Variants in KANSL1 observed in about 807,000 individuals in gnomAD.
KANSL1 encodes MLL1/MLL complex subunit KANSL1.
Under a neutral mutation model 103.6 loss-of-function variants are expected in KANSL1, and 22 were observed. The ratio of observed to expected loss-of-function variants is 0.21; its 90% CI spans 0.15 to 0.30. The LOEUF (loss-of-function observed/expected upper bound fraction) is 0.30. KANSL1 is among the 10% of genes least tolerant of loss of function. The pLI, the probability that KANSL1 is intolerant of heterozygous loss-of-function variation, is 1.00. For synonymous variants in KANSL1, 600 were observed against 527.6 expected, an observed-to-expected ratio of 1.14 and a Z score of -1.88; for missense variants, 1,337 against 1,399.8, an observed-to-expected ratio of 0.96 and a Z score of 0.72.
intron 6 of KANSL1, among the ~76,000 whole-genome samples, chr17:46,058,846 A>C (rs2078040841): frequency 6.6e-6 from 1 of 151,840 alleles, no homozygotes; most frequent in South Asian, 2.1e-4. Flanking sequence ...AAGATTCCAG[A>C]GAGGAAAAGA....
intron 3 of KANSL1, among the ~76,000 whole-genome samples, chr17:46,084,619 T>G (rs2316955): frequency 0.14 from 21,540 of 148,822 alleles, 2,107 homozygotes; most frequent in Middle Eastern, 0.22. Flanking sequence ...GAGGTGTAGG[T>G]TGCAGTGAGC....
At chr17:46,123,640 C>T (rs1273785681) in intron 2 of KANSL1, among the ~76,000 whole-genome samples, 4 of 152,246 alleles carry the variant, frequency 2.6e-5, no homozygotes, top group Non-Finnish European at 5.9e-5. Context: ...TTCCATTAAA[C>T]TGAAAGCCTA....
intron 2 of KANSL1, among the ~76,000 whole-genome samples, chr17:46,153,472 A>G (rs1199648298): frequency 1.3e-5 from 2 of 152,382 alleles, no homozygotes; most frequent in Non-Finnish European, 1.5e-5. Flanking sequence ...ACATATTCCC[A>G]AAATGTGGGC....
intron 6 of KANSL1, among the ~76,000 whole-genome samples, chr17:46,062,685 G>A (rs1350064090): frequency 1.3e-5 from 2 of 151,802 alleles, no homozygotes; most frequent in Non-Finnish European, 2.9e-5. Context: ...AAGAGTTACT[G>A]CACTAAACGT....
At chr17:46,092,953 G>A (rs1364530266) in intron 3 of KANSL1, 1 of 152,100 alleles carries the variant, frequency 6.6e-6, no homozygotes, top group Non-Finnish European at 1.5e-5. Context: ...TCTATGAAAT[G>A]TAGCAGTTTT....
At position 46,171,815 on chromosome 17, in the gene KANSL1, G is replaced by A; in HGVS notation, c.329C>T (p.Ser110Phe). The change falls in exon 2 of 15, where the codon TCT (serine) becomes TTT (phenylalanine). Residue 110 changes from serine (S) to phenylalanine (F), a missense_variant. Physicochemically the swap from Ser to Phe is radical, Grantham distance 155 (BLOSUM62 -2). Coordinates refer to ENST00000432791, the MANE Select transcript of KANSL1 (RefSeq NM_015443.4). The stretch of plus-strand genomic sequence containing the variant: ...ATAGGACTGAGATAAGAGAGGATGA[G>A]ATTTAAGGACTGTCTGCTTGCTGAA... Reference protein sequence around the residue: ...GVFSKQTVLKSHPLLSQSYEL... With the variant: ...GVFSKQTVLKFHPLLSQSYEL... The A allele has an allele frequency of 1.2e-6, 2 of 1,614,154 alleles. No homozygotes were observed. Among genetic ancestry groups the A allele is most frequent in the Non-Finnish European group, 1.7e-6 (2 of 1,180,006 alleles).
intron 2 of KANSL1, among the ~76,000 whole-genome samples, chr17:46,154,759 G>T (rs980412692): frequency 1.3e-5 from 2 of 152,216 alleles, no homozygotes; most frequent in Non-Finnish European, 2.9e-5. Flanking sequence ...GGTGTGGTGG[G>T]GGGAAGGAGT....
intron 2 of KANSL1, among the ~76,000 whole-genome samples, chr17:46,129,594 ATCAG>A (rs1425141672): frequency 1.3e-5 from 2 of 152,240 alleles, no homozygotes; most frequent in Admixed American, 6.5e-5. Context: ...AATCTGATAA[ATCAG>A]TCAGAGTGTG....
chr17:46,085,008 A>G (rs926507922), intron 3 of KANSL1, among the ~76,000 whole-genome samples: 2 of 152,146 alleles, frequency 1.3e-5, no homozygotes, highest in Non-Finnish European at 2.9e-5. Flanking sequence ...TTCCTGTACA[A>G]AGCATGCCAA....
chr17:46,071,331 A>T (rs2078570823), intron 4 of KANSL1, among the ~76,000 whole-genome samples: 1 of 152,198 alleles, frequency 6.6e-6, no homozygotes, highest in African/African-American at 2.4e-5. Context: ...CTCAGGAAGG[A>T]TCTACTTAAG....
upstream of KANSL1, chr17:46,196,146 G>C (rs1306875667): frequency 2.8e-6 from 1 of 361,010 alleles, no homozygotes; most frequent in Non-Finnish European, 5.4e-6. Flanking sequence ...CAGAAGCTGA[G>C]GGGATTGCTT....
intron 1 of KANSL1, among the ~76,000 whole-genome samples, chr17:46,172,649 T>C (rs2046345199): frequency 6.6e-6 from 1 of 152,232 alleles, no homozygotes; most frequent in South Asian, 2.1e-4. Flanking sequence ...AATTCCCGTG[T>C]TCACTAAAAA....
intron 4 of KANSL1, among the ~76,000 whole-genome samples, chr17:46,078,977 C>T (rs1471706734): frequency 6.6e-6 from 1 of 152,194 alleles, no homozygotes; most frequent in East Asian, 1.9e-4. Flanking sequence ...TCTCCCTCAG[C>T]TAGCCTTACA....
At chr17:46,099,010 T>G (rs547341936) in intron 2 of KANSL1, among the ~76,000 whole-genome samples, 2 of 152,288 alleles carry the variant, frequency 1.3e-5, no homozygotes, top group East Asian at 1.9e-4. Flanking sequence ...GAATAAGAGC[T>G]TCACATCTTT....
At chr17:46,056,343 TA>T (rs746248201) in intron 6 of KANSL1, among the ~76,000 whole-genome samples, 419 of 144,460 alleles carry the variant, frequency 2.9e-3, no homozygotes, top group African/African-American at 3.2e-3. Flanking sequence ...TACTCAAATC[TA>T]AAAAAAAAAA....
intron 1 of KANSL1, among the ~76,000 whole-genome samples, chr17:46,209,724 C>T (rs2148016136): frequency 6.6e-6 from 1 of 152,214 alleles, no homozygotes; most frequent in East Asian, 1.9e-4. Context: ...AAACTCCTGA[C>T]CTCAAGTGAT....
At chr17:46,178,068 C>G (rs576684416) in intron 1 of KANSL1, among the ~76,000 whole-genome samples, 2 of 152,168 alleles carry the variant, frequency 1.3e-5, no homozygotes, top group South Asian at 2.1e-4. Flanking sequence ...TGAGCCACCA[C>G]GCCCGGCCCA....
At chr17:46,146,906 G>A (rs9674888) in intron 2 of KANSL1, among the ~76,000 whole-genome samples, 80,344 of 149,516 alleles carry the variant, frequency 0.54, 21,829 homozygotes, top group East Asian at 0.88. Context: ...TCTTTTTTTG[G>A]AAAAGGTGAA....
At chr17:46,108,689 G>C (rs62061821) in intron 2 of KANSL1, among the ~76,000 whole-genome samples, 1 of 152,058 alleles carries the variant, frequency 6.6e-6, no homozygotes, top group Non-Finnish European at 1.5e-5. Flanking sequence ...GGGAATGAGG[G>C]TAACAGGCTG....
Sources: gnomAD v4.1 joint callset for allele counts (sites outside exome capture counted in the v4.1 genomes callset) on GRCh38, gnomAD v4.1.1 for gene constraint, MANE v1.5 for transcripts, NCBI Gene and HGNC (gene_info 2026-07-23, HGNC 2026-07-21) for gene names.